FRMPD4: variants seen among roughly 807,000 people sequenced by gnomAD.
FRMPD4 encodes FERM and PDZ domain containing 4.
A neutral mutation model predicts 94.1 loss-of-function variants in FRMPD4; 22 were observed. The observed-to-expected ratio is 0.23, with a 90% CI of 0.17 to 0.33. The LOEUF is 0.33. Ranked by LOEUF, FRMPD4 falls within the 10% of genes least tolerant of loss-of-function variation. FRMPD4 has a pLI of 1.00. For synonymous variants in FRMPD4, 631 were observed against 548.6 expected, an observed-to-expected ratio of 1.15 and a Z score of -2.10; for missense variants, 1,111 against 1,339.9, an observed-to-expected ratio of 0.83 and a Z score of 2.67.
At chrX:12,055,550 T>C (rs2054849145) in intron 3 of FRMPD4, among the ~76,000 whole-genome samples, 1 of 112,136 alleles carries the variant, frequency 8.9e-6, no homozygotes, top group Non-Finnish European at 1.9e-5. Flanking sequence ...TGGTGCCATG[T>C]TTCTTGTACA....
intron 3 of FRMPD4, among the ~76,000 whole-genome samples, chrX:12,073,216 T>C (rs753769706): frequency 1.0e-3 from 117 of 111,584 alleles, no homozygotes; most frequent in African/African-American, 3.8e-3. Context: ...ATCCTCCTTG[T>C]ACGCATATAT....
chrX:11,987,135 A>G (rs1267072693), intron 3 of FRMPD4, among the ~76,000 whole-genome samples: 2 of 98,730 alleles, frequency 2.0e-5, no homozygotes, highest in Non-Finnish European at 4.1e-5. Flanking sequence ...AAAAACAACT[A>G]CAGGCCAATA....
intron 1 of FRMPD4, among the ~76,000 whole-genome samples, chrX:12,484,187 A>C (rs2057716936): frequency 8.9e-6 from 1 of 112,497 alleles, no homozygotes; most frequent in African/African-American, 3.2e-5. Context: ...ATAAAGGAGG[A>C]AATTTTTAAA....
chrX:12,718,331 G>A lies in FRMPD4; in HGVS notation c.3505G>A (p.Ala1169Thr), dbSNP rs771597592. 16 of 1,211,362 alleles carry A rather than the reference G, an allele frequency of 1.3e-5. No individual in the cohort carries two copies. Among genetic ancestry groups the A allele is most frequent in the South Asian group, 3.5e-5 (2 of 56,983 alleles). The change falls in exon 16 of 17, where the codon GCT becomes ACT. Residue 1169 changes from alanine (A) to threonine (T), a missense_variant. By Grantham distance (58) the Ala-to-Thr change is moderately conservative. Transcript: ENST00000675598. The stretch of plus-strand genomic sequence containing the variant: ...CAAAGACTTAGATAACCCAGAGGAC[G>A]CTGACTCGTCCACCTGCGACCATCC... ...SAKDLDNPED[A>T]DSSTCDHPSK...
chrX:12,168,996 C>A (rs1048978874), intron 1 of FRMPD4, among the ~76,000 whole-genome samples: 2 of 111,855 alleles, frequency 1.8e-5, no homozygotes, highest in African/African-American at 6.5e-5. Flanking sequence ...ATAGCACATC[C>A]CTAATACAAC....
At chrX:12,031,517 T>G (rs886683816) in intron 3 of FRMPD4, among the ~76,000 whole-genome samples, 9 of 111,590 alleles carry the variant, frequency 8.1e-5, no homozygotes, top group African/African-American at 2.9e-4. Flanking sequence ...AGGTCAGTGA[T>G]TCTCAACCAG....
intron 1 of FRMPD4, among the ~76,000 whole-genome samples, chrX:12,380,971 A>C (rs779144832): frequency 8.9e-6 from 1 of 112,011 alleles, no homozygotes; most frequent in Non-Finnish European, 1.9e-5. Context: ...AAGGTGAGTT[A>C]TATGGATGAG....
intron 9 of FRMPD4, among the ~76,000 whole-genome samples, chrX:12,696,586 C>CAA (rs57877846): frequency 1.2e-3 from 35 of 30,044 alleles, no homozygotes; most frequent in Admixed American, 2.6e-3. Flanking sequence ...AAAAATGAAG[C>CAA]AAAAAAAAAA....
Position 11,919,756 on chromosome X carries a change from T to C in FRMPD4, c.95+41738T>C, listed in dbSNP as rs577843211. The stretch of plus-strand genomic sequence containing the variant: ...AATTTTCAAGGTTTTAAAGCCAAAA[T>C]AGAATACAGCATCTTTACAAAATTT... On this transcript the variant is annotated intron_variant, in intron 3 of 18. Coordinates refer to the FRMPD4 transcript ENST00000640291. Among the ~76,000 whole-genome samples, 166 of 111,801 alleles carry C rather than the reference T, an allele frequency of 1.5e-3. 1 individual carries two copies. The highest frequency in any genetic ancestry group is 5.2e-3 in the African/African-American group (160 of 30,767).
At chrX:12,112,225 T>G (rs1337153276) in intron 3 of FRMPD4, among the ~76,000 whole-genome samples, 1 of 111,824 alleles carries the variant, frequency 8.9e-6, no homozygotes, top group Non-Finnish European at 1.9e-5. Flanking sequence ...CACCATGGAA[T>G]ACTATGCAGC....
chrX:11,959,212 A>G (rs2054271946), intron 3 of FRMPD4, among the ~76,000 whole-genome samples: 1 of 112,357 alleles, frequency 8.9e-6, no homozygotes, highest in South Asian at 3.7e-4. Flanking sequence ...TATTTCTTAT[A>G]AAGGGTTGCA....
intron 1 of FRMPD4, among the ~76,000 whole-genome samples, chrX:12,283,222 C>T (rs1327345130): frequency 1.8e-5 from 2 of 112,890 alleles, no homozygotes; most frequent in African/African-American, 3.2e-5. Flanking sequence ...CTGTGAGGAC[C>T]GAATGTTTAG....
intron 3 of FRMPD4, among the ~76,000 whole-genome samples, chrX:11,900,910 G>A (rs944685292): frequency 9.0e-6 from 1 of 110,912 alleles, no homozygotes; most frequent in Non-Finnish European, 1.9e-5. Context: ...GACCCCCATC[G>A]CAGAAAGAGG....
chrX:12,700,871 C>T (rs1177954590), intron 9 of FRMPD4, among the ~76,000 whole-genome samples: 1 of 111,115 alleles, frequency 9.0e-6, no homozygotes, highest in African/African-American at 3.3e-5. Flanking sequence ...CTGGGAAAGG[C>T]AGAACGCCAG....
At chrX:11,964,113 G>A (rs190063946) in intron 3 of FRMPD4, among the ~76,000 whole-genome samples, 1 of 110,909 alleles carries the variant, frequency 9.0e-6, no homozygotes, top group East Asian at 2.9e-4. Flanking sequence ...AGAACTACTT[G>A]AATCAGAATC....
At chrX:11,925,644 G>T (rs1218651165) in intron 3 of FRMPD4, among the ~76,000 whole-genome samples, 2 of 111,905 alleles carry the variant, frequency 1.8e-5, no homozygotes, top group East Asian at 5.5e-4. Context: ...ACCTGCTCCT[G>T]AATGACTTTG....
intron 2 of FRMPD4, among the ~76,000 whole-genome samples, chrX:12,563,239 T>TACACACACACACACAC (rs369700317): frequency 1.5e-4 from 15 of 97,282 alleles, no homozygotes; most frequent in South Asian, 5.1e-4. Flanking sequence ...TGTAAGTGTG[T>TACACACACACACACAC]ACACACACAC....
At chrX:12,240,798 AG>A (rs1439960051) in intron 1 of FRMPD4, among the ~76,000 whole-genome samples, 2 of 112,252 alleles carry the variant, frequency 1.8e-5, no homozygotes, top group African/African-American at 6.5e-5. Context: ...ATATTGATCA[AG>A]GCAGTGTTTT....
intron 2 of FRMPD4, among the ~76,000 whole-genome samples, chrX:11,876,901 C>T (rs1005336735): frequency 8.9e-6 from 1 of 112,472 alleles, no homozygotes; most frequent in Non-Finnish European, 1.9e-5. Flanking sequence ...TGTCTGAAGA[C>T]ACTTTTAGTT....
Sources: gnomAD v4.1 joint callset for allele counts (sites outside exome capture counted in the v4.1 genomes callset) on GRCh38, gnomAD v4.1.1 for gene constraint, MANE v1.5 for transcripts, NCBI Gene and HGNC (gene_info 2026-07-23, HGNC 2026-07-21) for gene names.